MAP4K3: variants seen among roughly 807,000 people sequenced by gnomAD.
MAP4K3 encodes mitogen-activated protein kinase kinase kinase kinase 3.
A neutral mutation model predicts 143.5 loss-of-function variants in MAP4K3; 94 were observed. The ratio of observed to expected loss-of-function variants is 0.65; its 90% CI spans 0.55 to 0.78. The LOEUF (loss-of-function observed/expected upper bound fraction) is 0.78, where lower values mean the gene tolerates loss of function less well. Among genes scored for constraint, MAP4K3 ranks in the 30% least tolerant of loss-of-function variants. MAP4K3 has a pLI of 0.00. For synonymous variants in MAP4K3, 416 were observed against 347.2 expected, an observed-to-expected ratio of 1.20 and a Z score of -2.20; for missense variants, 1,077 against 1,068.1, an observed-to-expected ratio of 1.01 and a Z score of -0.12.
At chr2:39,343,884 C>T (rs922662851) in intron 3 of MAP4K3, among the ~76,000 whole-genome samples, 1 of 152,078 alleles carries the variant, frequency 6.6e-6, no homozygotes, top group African/African-American at 2.4e-5. Context: ...GTGATTTTCC[C>T]AAAACAGTCT....
intron 4 of MAP4K3, among the ~76,000 whole-genome samples, chr2:39,341,962 ACCTTCTCATACTCTTTC>A (rs1665152257): frequency 6.6e-6 from 1 of 151,848 alleles, no homozygotes; most frequent in Non-Finnish European, 1.5e-5. Flanking sequence ...TAAAGCAGAA[ACCTTCTCATACTCTTTC>A]ACCTGGTCTT....
At chr2:39,323,147 G>T (rs560923069) in intron 12 of MAP4K3, among the ~76,000 whole-genome samples, 1 of 152,150 alleles carries the variant, frequency 6.6e-6, no homozygotes. Flanking sequence ...TACTGTGAGA[G>T]GGAATGTAAC....
At chr2:39,398,799 T>C (rs1666878772) in intron 1 of MAP4K3, among the ~76,000 whole-genome samples, 1 of 150,516 alleles carries the variant, frequency 6.6e-6, no homozygotes, top group East Asian at 1.9e-4. Context: ...TCCCAGCACT[T>C]TGGGAGGCTG....
At chr2:39,379,838 T>C (rs1046871384) in intron 1 of MAP4K3, 6 of 168,300 alleles carry the variant, frequency 3.6e-5, no homozygotes, top group African/African-American at 1.4e-4. Flanking sequence ...ATAACTGAGA[T>C]TTTTGTTACC....
Position 39,280,330 on chromosome 2 carries a change from A to G in MAP4K3, c.1656T>C (p.Phe552=), listed in dbSNP as rs1399243337. 1 of 1,605,266 alleles carries G rather than the reference A, an allele frequency of 6.2e-7. No homozygotes were observed. The highest frequency in any genetic ancestry group is 1.3e-5 in the African/African-American group (1 of 74,948). The change falls in exon 23 of 34, where the codon TTT becomes TTC. Residue 552 remains phenylalanine (F), a synonymous_variant. Transcript: ENST00000263881. Reference sequence around the variant, plus strand: ...AGTGAATTTTCAAGGGACACCCATTAAAAACTTTTGAAAAACATGCACCCA... The same window carrying G: ...AGTGAATTTTCAAGGGACACCCATTGAAAACTTTTGAAAAACATGCACCCA... The part of the protein sequence containing the change: ...VHMGACFSKV[F]NGCPLKIHCA...
chr2:39,292,650 G>C, intron 18 of MAP4K3, 123 bp downstream of exon 18: 2 of 789,590 alleles, frequency 2.5e-6, no homozygotes, highest in Non-Finnish European at 4.4e-6. Flanking sequence ...GAAGGAAACT[G>C]AGATACAACC....
At chr2:39,276,841 G>C (rs10190078) in intron 24 of MAP4K3, among the ~76,000 whole-genome samples, 1 of 152,112 alleles carries the variant, frequency 6.6e-6, no homozygotes, top group African/African-American at 2.4e-5. Flanking sequence ...CATACTGGGG[G>C]AGAGGAGGAG....
chr2:39,431,592 T>G (rs1482423513), intron 1 of MAP4K3, among the ~76,000 whole-genome samples: 1 of 152,084 alleles, frequency 6.6e-6, no homozygotes, highest in Non-Finnish European at 1.5e-5. Context: ...GCTGAGACTT[T>G]AAACGAAGAA....
intron 15 of MAP4K3, 29 bp downstream of exon 15, chr2:39,307,914 G>T: frequency 1.3e-6 from 2 of 1,487,774 alleles, no homozygotes; most frequent in South Asian, 1.3e-5. Flanking sequence ...AAACAATGCT[G>T]ACAAAGAAAA....
Position 39,272,510 on chromosome 2 carries a change from T to C in MAP4K3, c.1827A>G (p.Val609=). 6.2e-7 allele frequency: 1 copy of C among 1,613,542 alleles called. No individual in the cohort carries two copies. Among genetic ancestry groups the C allele is most frequent in the Non-Finnish European group, 8.5e-7 (1 of 1,179,646 alleles). The change falls in exon 25 of 34, where the codon GTA becomes GTG. Residue 609 remains valine (V), a synonymous_variant. Transcript: ENST00000263881. ...LFPRRCTWLY[V]MNNCLLSISG... ...ATATTGATAGCAAGCAATTGTTCATTACATACAACCATGTACACCTTCGAG... is the reference window on the plus strand; with the variant it reads ...ATATTGATAGCAAGCAATTGTTCATCACATACAACCATGTACACCTTCGAG...
At chr2:39,337,117 T>G (rs1258025249) in intron 5 of MAP4K3, 150 bp from the exon 6 acceptor site, 13 of 453,928 alleles carry the variant, frequency 2.9e-5, no homozygotes, top group African/African-American at 8.3e-5. Context: ...TAATGAGATA[T>G]CCTAAAAAAA....
intron 8 of MAP4K3, among the ~76,000 whole-genome samples, chr2:39,330,498 A>C (rs760548320): frequency 1.5e-4 from 23 of 152,208 alleles, no homozygotes; most frequent in Non-Finnish European, 1.2e-4. Context: ...TGAAAGAAGA[A>C]GACCTAGAAT....
chr2:39,373,534 C>T (rs1201125296), intron 2 of MAP4K3, among the ~76,000 whole-genome samples: 1 of 152,188 alleles, frequency 6.6e-6, no homozygotes, highest in African/African-American at 2.4e-5. Context: ...TTGGAAGCAA[C>T]CTAAGTGTCC....
intron 1 of MAP4K3, among the ~76,000 whole-genome samples, chr2:39,417,602 A>G (rs1461304691): frequency 6.6e-6 from 1 of 152,262 alleles, no homozygotes; most frequent in Non-Finnish European, 1.5e-5. Context: ...ATGCTAGATT[A>G]GATCAAGAGA....
At chr2:39,303,331 G>C (rs72925242) in intron 15 of MAP4K3, among the ~76,000 whole-genome samples, 8,139 of 152,124 alleles carry the variant, frequency 0.054, 744 homozygotes, top group African/African-American at 0.19. Flanking sequence ...AGTCAGAAAA[G>C]CAAGTAGAGT....
At chr2:39,302,807 C>T (rs1252526042) in intron 15 of MAP4K3, among the ~76,000 whole-genome samples, 1 of 152,060 alleles carries the variant, frequency 6.6e-6, no homozygotes, top group Non-Finnish European at 1.5e-5. Context: ...ATGCAATAAC[C>T]TAGTATAGAT....
At chr2:39,417,920 T>A (rs1283401305) in intron 1 of MAP4K3, among the ~76,000 whole-genome samples, 1 of 151,894 alleles carries the variant, frequency 6.6e-6, no homozygotes, top group Non-Finnish European at 1.5e-5. Context: ...AACAAAATGA[T>A]GGCTGGGTGC....
At chr2:39,388,261 C>G (rs1666564240) in intron 1 of MAP4K3, among the ~76,000 whole-genome samples, 1 of 152,162 alleles carries the variant, frequency 6.6e-6, no homozygotes, top group Non-Finnish European at 1.5e-5. Context: ...GCGTAAACAC[C>G]TTCCAAGATT....
chr2:39,255,691 C>G (rs181445715), intron 31 of MAP4K3, among the ~76,000 whole-genome samples: 1 of 152,168 alleles, frequency 6.6e-6, no homozygotes, highest in East Asian at 1.9e-4. Flanking sequence ...TTATTTTTTA[C>G]TTTAAAAAAT....
Sources: allele counts gnomAD v4.1 joint callset (sites outside exome capture counted in the v4.1 genomes callset), GRCh38; gene constraint gnomAD v4.1.1; transcripts MANE v1.5; gene names NCBI Gene and HGNC (gene_info 2026-07-23, HGNC 2026-07-21).